DISP1: variants seen among roughly 807,000 people sequenced by gnomAD.
The protein encoded by DISP1 is dispatched RND transporter family member 1, also known as protein dispatched homolog 1.
Under a neutral mutation model 37.3 loss-of-function variants are expected in DISP1, and 30 were observed. The ratio of observed to expected loss-of-function variants is 0.80; its 90% CI spans 0.60 to 1.09. DISP1 has a LOEUF of 1.09. DISP1 is among the 50% of genes least tolerant of loss of function. The pLI is 0.00. For synonymous variants in DISP1, 634 were observed against 690.2 expected (o/e 0.92, Z 1.28); for missense variants, 1,598 against 1,879.5 (o/e 0.85, Z 2.77).
intron 2 of DISP1, among the ~76,000 whole-genome samples, chr1:222,931,285 TG>T (rs895060993): frequency 9.2e-5 from 14 of 151,352 alleles, no homozygotes; most frequent in African/African-American, 2.4e-4. Flanking sequence ...ACCTCAGTGA[TG>T]TTTTTTTTTT....
chr1:222,831,690 G>A (rs1665783585), intron 1 of DISP1, among the ~76,000 whole-genome samples: 1 of 152,184 alleles, frequency 6.6e-6, no homozygotes, highest in African/African-American at 2.4e-5. Flanking sequence ...TTGAAGATAG[G>A]ATTTGTAGAG....
intron 3 of DISP1, among the ~76,000 whole-genome samples, chr1:222,965,187 GC>G (rs1676383510): frequency 6.6e-6 from 1 of 152,060 alleles, no homozygotes; most frequent in African/African-American, 2.4e-5. Context: ...TTTGAATCCT[GC>G]CTCTTTAACT....
At chr1:222,941,059 T>C (rs1674345555) in intron 2 of DISP1, among the ~76,000 whole-genome samples, 1 of 152,186 alleles carries the variant, frequency 6.6e-6, no homozygotes, top group African/African-American at 2.4e-5. Flanking sequence ...AAAAGGGAGG[T>C]TATATTCTTC....
At chr1:222,888,814 T>G (rs770338968) in intron 1 of DISP1, among the ~76,000 whole-genome samples, 1 of 150,602 alleles carries the variant, frequency 6.6e-6, no homozygotes, top group Non-Finnish European at 1.5e-5. Flanking sequence ...GCTTTGTCAG[T>G]TGTGTGTGTG....
At chr1:222,867,969 G>A (rs887792801) in intron 1 of DISP1, among the ~76,000 whole-genome samples, 10 of 152,174 alleles carry the variant, frequency 6.6e-5, no homozygotes, top group African/African-American at 2.2e-4. Context: ...TTTTAGCAGT[G>A]TCAGGTTTGG....
chr1:222,860,946 C>A (rs1330297219), intron 1 of DISP1, among the ~76,000 whole-genome samples: 4 of 152,090 alleles, frequency 2.6e-5, no homozygotes, highest in African/African-American at 4.8e-5. Context: ...CACTTTCTAT[C>A]CCCATTATAT....
intron 1 of DISP1, among the ~76,000 whole-genome samples, chr1:222,839,794 A>G (rs35197173): frequency 0.11 from 17,146 of 152,058 alleles, 1,273 homozygotes; most frequent in South Asian, 0.16. Context: ...TTAGCTGGGC[A>G]TGGTGGCATG....
intron 1 of DISP1, among the ~76,000 whole-genome samples, chr1:222,833,268 T>C (rs745392015): frequency 1.5e-4 from 22 of 151,266 alleles, no homozygotes; most frequent in Non-Finnish European, 2.6e-4. Flanking sequence ...GTCACAAATA[T>C]AACCTCACAG....
chr1:222,921,512 AC>A lies in DISP1; in HGVS notation c.-158-6916del, dbSNP rs539460676. Among the ~76,000 whole-genome samples, 139 of 152,312 alleles carry A rather than the reference AC, an allele frequency of 9.1e-4. 1 individual carries two copies. The highest frequency in any genetic ancestry group is 1.6e-3 in the Non-Finnish European group (108 of 68,022). ...TGCTTGCATGTTAGCTTCTGGAGCA[AC>A]CTCTACTGAGAAAAGGGTGAAAGCT... On this transcript the variant is annotated intron_variant, in intron 1 of 8. Coordinates refer to ENST00000675850, the MANE Select transcript of DISP1 (RefSeq NM_001377229.1).
intron 3 of DISP1, among the ~76,000 whole-genome samples, chr1:222,949,250 CTGGTG>C (rs1484404363): frequency 6.6e-6 from 1 of 152,008 alleles, no homozygotes; most frequent in Non-Finnish European, 1.5e-5. Flanking sequence ...AAAAATTAGC[CTGGTG>C]TGGTGGTGCG....
At chr1:222,874,081 T>C (rs905837084) in intron 1 of DISP1, among the ~76,000 whole-genome samples, 5 of 152,252 alleles carry the variant, frequency 3.3e-5, no homozygotes, top group African/African-American at 1.2e-4. Flanking sequence ...TTCTTTTCTT[T>C]AAGAATGTTG....
At chr1:222,916,981 G>C (rs1672526199) in intron 1 of DISP1, among the ~76,000 whole-genome samples, 1 of 152,178 alleles carries the variant, frequency 6.6e-6, no homozygotes, top group Non-Finnish European at 1.5e-5. Flanking sequence ...GGAATGCTGA[G>C]GGAATTCACG....
At chr1:222,831,457 A>G (rs1218498899) in intron 1 of DISP1, among the ~76,000 whole-genome samples, 1 of 152,226 alleles carries the variant, frequency 6.6e-6, no homozygotes, top group African/African-American at 2.4e-5. Flanking sequence ...AGATTTATAA[A>G]TAGCTGTAAG....
At chr1:222,835,444 A>G in intron 1 of DISP1, among the ~76,000 whole-genome samples, 1 of 152,220 alleles carries the variant, frequency 6.6e-6, no homozygotes, top group East Asian at 1.9e-4. Context: ...ATGCTATATG[A>G]CATGAACAAT....
chr1:223,002,332 C>T (rs1043635419), intron 8 of DISP1, 53 bp from the exon 9 acceptor site: 45 of 1,536,374 alleles, frequency 2.9e-5, no homozygotes, highest in African/African-American at 5.5e-5. Context: ...CAGTTGTGAA[C>T]GATTGTGAAC....
intron 1 of DISP1, among the ~76,000 whole-genome samples, chr1:222,909,960 A>C (rs1437977157): frequency 6.6e-6 from 1 of 152,188 alleles, no homozygotes; most frequent in Non-Finnish European, 1.5e-5. Flanking sequence ...TCTTATTGTA[A>C]GCTGTGAACT....
At chr1:222,817,426 C>T (rs1025302097) in intron 1 of DISP1, among the ~76,000 whole-genome samples, 4 of 152,154 alleles carry the variant, frequency 2.6e-5, no homozygotes, top group South Asian at 2.1e-4. Context: ...AAGTTGAGCT[C>T]GTTGCTTCTA....
intron 1 of DISP1, among the ~76,000 whole-genome samples, chr1:222,907,006 A>G (rs908182027): frequency 6.6e-6 from 1 of 152,348 alleles, no homozygotes; most frequent in East Asian, 1.9e-4. Context: ...ACCACTTAGC[A>G]TGGTGACTAA....
At chr1:222,946,649 A>T (rs1235347188) in intron 3 of DISP1, among the ~76,000 whole-genome samples, 1 of 152,186 alleles carries the variant, frequency 6.6e-6, no homozygotes. Flanking sequence ...GCTATAAACT[A>T]GTAGGAAGGG....
Sources: gnomAD v4.1 joint callset for allele counts (sites outside exome capture counted in the v4.1 genomes callset) on GRCh38, gnomAD v4.1.1 for gene constraint, MANE v1.5 for transcripts, NCBI Gene and HGNC (gene_info 2026-07-23, HGNC 2026-07-21) for gene names.